The following CFAP210 variants were observed in gnomAD, a reference collection of about 807,000 sequenced individuals.
The protein encoded by CFAP210 is cilia- and flagella- associated protein 210.
the CFAP210 span, among the ~76,000 whole-genome samples, chr2:169,686,103 C>T: frequency 6.6e-6 from 1 of 152,128 alleles, no homozygotes; most frequent in Non-Finnish European, 1.5e-5. Context: ...ACTACACCCT[C>T]GAACTCCCGG....
At chr2:169,657,953 AAAT>A in the CFAP210 span, among the ~76,000 whole-genome samples, 3 of 152,226 alleles carry the variant, frequency 2.0e-5, no homozygotes, top group African/African-American at 7.2e-5. Flanking sequence ...TGTCCTTAAA[AAAT>A]AATAAAATAA....
chr2:169,663,551 C>T, the CFAP210 span, among the ~76,000 whole-genome samples: 2 of 151,976 alleles, frequency 1.3e-5, no homozygotes, highest in African/African-American at 2.4e-5. Flanking sequence ...TACTGGAGTC[C>T]CCTCACTCAG....
the CFAP210 span, chr2:169,662,272 C>A: frequency 6.3e-7 from 1 of 1,589,430 alleles, no homozygotes; most frequent in Non-Finnish European, 8.5e-7. Context: ...TTTGCCCTTT[C>A]AACTTACAAG....
the CFAP210 span, among the ~76,000 whole-genome samples, chr2:169,689,822 C>T: frequency 6.6e-6 from 1 of 152,054 alleles, no homozygotes; most frequent in Non-Finnish European, 1.5e-5. Context: ...TTAGATTTGT[C>T]AAATGTTTTT....
the CFAP210 span, among the ~76,000 whole-genome samples, chr2:169,673,051 A>G: frequency 6.6e-6 from 1 of 152,220 alleles, no homozygotes; most frequent in African/African-American, 2.4e-5. Context: ...GTCACCATGC[A>G]CAAGGACAAA....
chr2:169,670,242 T>C, the CFAP210 span, among the ~76,000 whole-genome samples: 1 of 152,152 alleles, frequency 6.6e-6, no homozygotes, highest in Non-Finnish European at 1.5e-5. Flanking sequence ...TGTGTAAGAT[T>C]CCTGGTCAAA....
the CFAP210 span, among the ~76,000 whole-genome samples, chr2:169,648,462 T>G: frequency 6.6e-6 from 1 of 151,998 alleles, no homozygotes; most frequent in Non-Finnish European, 1.5e-5. Context: ...TTATGTATAT[T>G]TTACCACAAT....
the CFAP210 span, among the ~76,000 whole-genome samples, chr2:169,676,784 C>T: frequency 6.6e-6 from 1 of 151,682 alleles, no homozygotes. Context: ...AGGAAACAGG[C>T]AATGTTAAAA....
At chr2:169,662,306 T>C in the CFAP210 span, 1 of 1,601,376 alleles carries the variant, frequency 6.2e-7, no homozygotes, top group Non-Finnish European at 8.5e-7. Flanking sequence ...CTTTCATGCA[T>C]CTCTTCTCTT....
chr2:169,648,428 A>G, the CFAP210 span, among the ~76,000 whole-genome samples: 1 of 141,074 alleles, frequency 7.1e-6, no homozygotes, highest in Non-Finnish European at 1.5e-5. Flanking sequence ...ACACTTAACC[A>G]TGCTTAAAAT....
the CFAP210 span, among the ~76,000 whole-genome samples, chr2:169,685,109 CAT>C: frequency 2.5e-3 from 378 of 152,306 alleles, no homozygotes; most frequent in African/African-American, 8.6e-3. Flanking sequence ...TGTGTGGACA[CAT>C]ATTTTTCATT....
chr2:169,690,927 T>C, the CFAP210 span, among the ~76,000 whole-genome samples: 2 of 152,172 alleles, frequency 1.3e-5, no homozygotes, highest in Non-Finnish European at 2.9e-5. Context: ...GCCTTTTGAT[T>C]GTGTGATGTT....
the CFAP210 span, among the ~76,000 whole-genome samples, chr2:169,678,572 C>T: frequency 2.6e-5 from 4 of 152,066 alleles, no homozygotes; most frequent in African/African-American, 9.7e-5. Context: ...CGCCTGTAAT[C>T]CCGGCACTTT....
chr2:169,647,589 G>A, the CFAP210 span, among the ~76,000 whole-genome samples: 17 of 152,086 alleles, frequency 1.1e-4, no homozygotes, highest in East Asian at 3.3e-3. Flanking sequence ...TACCTAAGAG[G>A]AACCAAGTAT....
chr2:169,659,812 T>C, the CFAP210 span, among the ~76,000 whole-genome samples: 5 of 152,242 alleles, frequency 3.3e-5, no homozygotes, highest in African/African-American at 1.2e-4. Flanking sequence ...CTTTTTATTA[T>C]GGCTTCAATC....
At chr2:169,688,201 C>T in the CFAP210 span, among the ~76,000 whole-genome samples, 1 of 152,220 alleles carries the variant, frequency 6.6e-6, no homozygotes, top group African/African-American at 2.4e-5. Flanking sequence ...CTGACATGGC[C>T]TGGAGACATT....
At chr2:169,681,165 G>A in the CFAP210 span, 2 of 1,613,906 alleles carry the variant, frequency 1.2e-6, no homozygotes, top group Non-Finnish European at 8.5e-7. Flanking sequence ...ATGGTGACCT[G>A]CTGGAGATCT....
At chr2:169,688,788 GTCT>G in the CFAP210 span, among the ~76,000 whole-genome samples, 2 of 152,136 alleles carry the variant, frequency 1.3e-5, no homozygotes, top group East Asian at 1.9e-4. Flanking sequence ...ACATTTTCCT[GTCT>G]TCTTCTGAGC....
chr2:169,666,943 T>C, the CFAP210 span, among the ~76,000 whole-genome samples: 1 of 152,158 alleles, frequency 6.6e-6, no homozygotes, highest in Non-Finnish European at 1.5e-5. Flanking sequence ...TATCATGAGA[T>C]TGCAGCAATT....
Sources: gnomAD v4.1 joint callset for allele counts (sites outside exome capture counted in the v4.1 genomes callset) on GRCh38, gnomAD v4.1.1 for gene constraint, MANE v1.5 for transcripts, NCBI Gene and HGNC (gene_info 2026-07-23, HGNC 2026-07-21) for gene names.